SLC9A4: variants seen among roughly 807,000 people sequenced by gnomAD.
The protein encoded by SLC9A4 is solute carrier family 9 member A4, also known as sodium/hydrogen exchanger 4.
In SLC9A4, 63 loss-of-function variants were observed where a neutral mutation model predicts 67.4. That is an observed-to-expected ratio of 0.93 (90% confidence interval 0.76 to 1.15). The LOEUF (loss-of-function observed/expected upper bound fraction) is 1.15, where lower values mean the gene tolerates loss of function less well. SLC9A4 is among the 50% of genes most tolerant of loss of function. SLC9A4 has a pLI of 0.00. For synonymous variants in SLC9A4, 393 were observed against 367.2 expected, an observed-to-expected ratio of 1.07 and a Z score of -0.80; for missense variants, 1,089 against 987.7, an observed-to-expected ratio of 1.10 and a Z score of -1.38.
intron 11 of SLC9A4, among the ~76,000 whole-genome samples, chr2:102,531,816 C>A (rs1178173910): frequency 6.6e-6 from 1 of 152,220 alleles, no homozygotes; most frequent in African/African-American, 2.4e-5. Context: ...ACGCCCTGGT[C>A]TCTGCTGTGG....
chr2:102,528,597 C>A (rs187921078), intron 11 of SLC9A4, among the ~76,000 whole-genome samples: 1 of 152,110 alleles, frequency 6.6e-6, no homozygotes, highest in South Asian at 2.1e-4. Context: ...AGCATCAATA[C>A]TGCATGCCTA....
chr2:102,514,316 T>A, intron 8 of SLC9A4, 65 bp downstream of exon 8: 1 of 1,191,140 alleles, frequency 8.4e-7, no homozygotes. Flanking sequence ...GCTGACTCAT[T>A]GCCTCATTTA....
chr2:102,497,503 T>A (rs1299553622), intron 2 of SLC9A4, among the ~76,000 whole-genome samples: 2 of 152,102 alleles, frequency 1.3e-5, no homozygotes, highest in African/African-American at 4.8e-5. Flanking sequence ...TACTCAGGTA[T>A]AAAAAGGAAG....
chr2:102,523,530 T>C (rs1175629677), intron 9 of SLC9A4, among the ~76,000 whole-genome samples: 1 of 152,208 alleles, frequency 6.6e-6, no homozygotes, highest in African/African-American at 2.4e-5. Context: ...CTTAATCTGT[T>C]TTGTATTTGT....
At chr2:102,528,865 T>C (rs1319124171) in intron 11 of SLC9A4, among the ~76,000 whole-genome samples, 3 of 152,164 alleles carry the variant, frequency 2.0e-5, no homozygotes, top group African/African-American at 7.2e-5. Context: ...AGCCATAAAA[T>C]GCCAGGAAGA....
intron 2 of SLC9A4, among the ~76,000 whole-genome samples, chr2:102,491,479 G>A (rs964748081): frequency 6.6e-6 from 1 of 151,882 alleles, no homozygotes; most frequent in Non-Finnish European, 1.5e-5. Flanking sequence ...GCAAAGCCAC[G>A]TTTTACATGG....
intron 11 of SLC9A4, among the ~76,000 whole-genome samples, chr2:102,528,425 T>G (rs1008844111): frequency 6.6e-6 from 1 of 151,936 alleles, no homozygotes; most frequent in African/African-American, 2.4e-5. Flanking sequence ...TTAATTTAAA[T>G]TTTTTTAGAA....
rs61708027 is a variant in SLC9A4, at chr2:102,491,317, C to CTTTTTTTTTTTT, written c.720+12039_720+12050dup. Among the ~76,000 whole-genome samples, 10 of 45,768 alleles carry CTTTTTTTTTTTT rather than the reference C, an allele frequency of 2.2e-4. 2 individuals carry two copies. The highest frequency in any genetic ancestry group is 4.2e-4 in the Admixed American group (1 of 2,398). The allele number at this position is 45,768 out of a possible 152,430, so 30.0% of individuals were successfully genotyped here. Reference sequence around the variant, plus strand: ...ATTTCTCTTCCCATTTGTACTAATGCTTTTTTTTTTTTTTTTTTTTTTTTT... The same window carrying CTTTTTTTTTTTT: ...ATTTCTCTTCCCATTTGTACTAATGCTTTTTTTTTTTTTTTTTTTTTTTTTTTTTTTTTTTTT... On this transcript the variant is annotated intron_variant, in intron 2 of 11. Transcript: ENST00000295269.
At chr2:102,518,518 G>T (rs1017298647) in intron 8 of SLC9A4, among the ~76,000 whole-genome samples, 3 of 152,108 alleles carry the variant, frequency 2.0e-5, no homozygotes, top group Admixed American at 1.3e-4. Context: ...TATCAATAGA[G>T]GTGGCATTTG....
intron 5 of SLC9A4, 116 bp downstream of exon 5, chr2:102,508,397 A>G (rs1558668066): frequency 1.0e-6 from 1 of 987,024 alleles, no homozygotes; most frequent in Non-Finnish European, 1.5e-6. Flanking sequence ...TCAATACCCA[A>G]ACTAAATTTC....
At chr2:102,475,005 C>T (rs563941277) in intron 1 of SLC9A4, among the ~76,000 whole-genome samples, 7 of 152,282 alleles carry the variant, frequency 4.6e-5, no homozygotes, top group African/African-American at 1.7e-4. Context: ...AGCTCCCTCC[C>T]TGTGGGTGTG....
At chr2:102,527,517 A>G (rs1022880197) in intron 11 of SLC9A4, among the ~76,000 whole-genome samples, 1 of 152,234 alleles carries the variant, frequency 6.6e-6, no homozygotes, top group Non-Finnish European at 1.5e-5. Context: ...AATATAAACA[A>G]TGATACATAT....
intron 2 of SLC9A4, among the ~76,000 whole-genome samples, chr2:102,494,302 T>A (rs1165259779): frequency 6.6e-6 from 1 of 151,890 alleles, no homozygotes; most frequent in Non-Finnish European, 1.5e-5. Context: ...TGTAAAAAGT[T>A]AAGGATGTTA....
At position 102,512,095 on chromosome 2, in the gene SLC9A4, C is replaced by T. The variant is rs1685175964; in HGVS notation, c.1489-108C>T. 36 of 1,112,938 alleles carry T rather than the reference C, an allele frequency of 3.2e-5. 3 individuals carry two copies. The South Asian group carries it at 5.1e-4, about 16-fold the overall frequency. The allele number at this position is 1,112,938 out of a possible 1,614,324, so 68.9% of individuals were successfully genotyped here. A position where few individuals can be genotyped will look rare whatever the true frequency, so the allele number is the denominator to read the frequency against. On this transcript the variant is annotated intron_variant, in intron 6 of 11. Coordinates refer to ENST00000295269, the MANE Select transcript of SLC9A4 (RefSeq NM_001011552.4). Reference sequence around the variant, plus strand: ...ACACAGTGATAGAAAGTCAGATAGGCTCCAGAAAATTAAAGGCTCCTTTGT... The same window carrying T: ...ACACAGTGATAGAAAGTCAGATAGGTTCCAGAAAATTAAAGGCTCCTTTGT...
In SLC9A4 at chr2:102,526,278, G is replaced by T. The variant is rs1183527125; in HGVS notation, c.1970G>T (p.Arg657Leu). 5 of 1,613,494 alleles carry T rather than the reference G, an allele frequency of 3.1e-6. No individual in the cohort carries two copies. The highest frequency in any genetic ancestry group is 1.6e-4 in the Middle Eastern group (1 of 6,082). The change falls in exon 11 of 12, where the codon CGC becomes CTC. Residue 657 changes from arginine (R) to leucine (L), a missense_variant. By Grantham distance (102) the Arg-to-Leu change is moderately radical. Transcript: ENST00000295269. Reference protein sequence around the residue: ...WGKPAGTKNIRYLSYPYGNPQ... With the variant: ...WGKPAGTKNILYLSYPYGNPQ... ...CCACAGGCTGGCACCAAGAATATCC[G>T]CTACCTCTCCTACCCCTACGGGAAT...
At chr2:102,481,268 T>C (rs2104414941) in intron 2 of SLC9A4, among the ~76,000 whole-genome samples, 1 of 152,348 alleles carries the variant, frequency 6.6e-6, no homozygotes, top group East Asian at 1.9e-4. Context: ...TTATACTTCC[T>C]TAGTGTATTG....
intron 2 of SLC9A4, 26 bp from the exon 3 acceptor site, chr2:102,503,422 A>C: frequency 1.3e-6 from 2 of 1,540,310 alleles, no homozygotes; most frequent in Non-Finnish European, 8.8e-7. Context: ...CATAATTCAT[A>C]TTTGTTTACT....
chr2:102,480,414 A>G (rs1684434431), intron 2 of SLC9A4, among the ~76,000 whole-genome samples: 1 of 149,968 alleles, frequency 6.7e-6, no homozygotes, highest in African/African-American at 2.5e-5. Context: ...CCCAGGCTGG[A>G]GTGCAATGAT....
At chr2:102,529,840 C>A (rs1264474514) in intron 11 of SLC9A4, among the ~76,000 whole-genome samples, 2 of 152,140 alleles carry the variant, frequency 1.3e-5, no homozygotes, top group Non-Finnish European at 2.9e-5. Flanking sequence ...GAGCTCCATG[C>A]TGGTTTGGGG....
Sources: allele counts gnomAD v4.1 joint callset (sites outside exome capture counted in the v4.1 genomes callset), GRCh38; gene constraint gnomAD v4.1.1; transcripts MANE v1.5; gene names NCBI Gene and HGNC (gene_info 2026-07-23, HGNC 2026-07-21).